FRMD3: variants seen among roughly 807,000 people sequenced by gnomAD.
FRMD3 encodes the protein FERM domain containing 3.
Under a neutral mutation model 70.2 loss-of-function variants are expected in FRMD3, and 33 were observed. The observed-to-expected ratio is 0.47, with a 90% CI of 0.36 to 0.63. The LOEUF (loss-of-function observed/expected upper bound fraction) is 0.63, where lower values mean the gene tolerates loss of function less well. Ranked by LOEUF, FRMD3 falls within the 20% of genes least tolerant of loss-of-function variation. The pLI is 0.00. For missense variants in FRMD3, 632 were observed against 711.4 expected, an observed-to-expected ratio of 0.89 and a Z score of 1.27; for synonymous variants, 279 against 255.9, an observed-to-expected ratio of 1.09 and a Z score of -0.86.
intron 1 of FRMD3, among the ~76,000 whole-genome samples, chr9:83,499,018 G>C (rs951682234): frequency 2.0e-5 from 3 of 152,064 alleles, no homozygotes; most frequent in African/African-American, 7.2e-5. Flanking sequence ...CCTTGTATTG[G>C]GTCCTTGGGT....
chr9:83,243,119 C>T (rs1831938850), downstream of FRMD3: 5 of 1,416,594 alleles, frequency 3.5e-6, no homozygotes, highest in Non-Finnish European at 4.9e-6. Context: ...ACCGAACTTA[C>T]CCACCCAGTC....
In FRMD3 at chr9:83,267,346, C is replaced by T. The variant is rs535918362; in HGVS notation, c.1196-18830G>A. 5.8e-6 allele frequency: 8 copies of T among 1,378,626 alleles called. No homozygotes were observed. The East Asian group carries it at 1.8e-4, about 31-fold the overall frequency. 85.4% of individuals were successfully genotyped at this position (1,378,626 alleles called of 1,614,324 possible). On this transcript the variant is annotated intron_variant, in intron 13 of 13. Transcript: ENST00000304195. Reference sequence around the variant, plus strand: ...GGACGCTATTTTTAAACTCTCCACTCACCCCTCTAACAAACAATGAAAGAT... The same window carrying T: ...GGACGCTATTTTTAAACTCTCCACTTACCCCTCTAACAAACAATGAAAGAT...
At chr9:83,287,306 G>A (rs534694888) in intron 13 of FRMD3, among the ~76,000 whole-genome samples, 3 of 152,170 alleles carry the variant, frequency 2.0e-5, no homozygotes, top group Non-Finnish European at 2.9e-5. Context: ...AGAAGCCATG[G>A]AAGCTACTAA....
At chr9:83,352,705 G>C (rs1372303968) in intron 3 of FRMD3, among the ~76,000 whole-genome samples, 1 of 152,102 alleles carries the variant, frequency 6.6e-6, no homozygotes. Context: ...TTCACCAGCC[G>C]GCCCCTCCAC....
chr9:83,260,981 T>C (rs987566559), intron 13 of FRMD3, among the ~76,000 whole-genome samples: 1 of 152,094 alleles, frequency 6.6e-6, no homozygotes, highest in African/African-American at 2.4e-5. Context: ...CTGCAGAAGA[T>C]CTAATACTAC....
intron 1 of FRMD3, among the ~76,000 whole-genome samples, chr9:83,457,021 T>A (rs1004787158): frequency 6.6e-6 from 1 of 151,936 alleles, no homozygotes; most frequent in African/African-American, 2.4e-5. Flanking sequence ...AGAGATATAA[T>A]AAGCTTAAAG....
chr9:83,335,408 A>G, intron 6 of FRMD3, 108 bp downstream of exon 6: 1 of 1,194,806 alleles, frequency 8.4e-7, no homozygotes. Flanking sequence ...AAAACAGCCT[A>G]TCCATACATT....
chr9:83,325,636 T>C (rs146975671), intron 6 of FRMD3, among the ~76,000 whole-genome samples: 224 of 152,314 alleles, frequency 1.5e-3, no homozygotes, highest in African/African-American at 4.8e-3. Context: ...AAAAAATTCA[T>C]TTAAATTGCA....
At position 83,303,143 on chromosome 9, in the gene FRMD3, C is replaced by T. The variant is rs1348608265; in HGVS notation, c.927-3957G>A. Among the ~76,000 whole-genome samples, 3 of 152,300 alleles carry T rather than the reference C, an allele frequency of 2.0e-5. No individual in the cohort carries two copies. The East Asian group carries it at 5.8e-4, about 29-fold the overall frequency. On this transcript the variant is annotated intron_variant, in intron 10 of 13. Transcript: ENST00000304195. ...CTCTAGAATTAACAACACTATTTCCCATTGAAGTCATAATTTAGAGTTCCT... is the reference window on the plus strand; with the variant it reads ...CTCTAGAATTAACAACACTATTTCCTATTGAAGTCATAATTTAGAGTTCCT...
intron 1 of FRMD3, among the ~76,000 whole-genome samples, chr9:83,464,462 C>T (rs76367398): frequency 0.043 from 6,580 of 152,264 alleles, 185 homozygotes; most frequent in Non-Finnish European, 0.066. Context: ...ACCATCACCC[C>T]TCTTTGCTCT....
At chr9:83,506,301 C>T (rs773947364) in intron 1 of FRMD3, among the ~76,000 whole-genome samples, 6 of 152,052 alleles carry the variant, frequency 3.9e-5, no homozygotes, top group Non-Finnish European at 8.8e-5. Flanking sequence ...TAATGGAATA[C>T]AGTCATGTGT....
chr9:83,390,881 T>C (rs1485992919), intron 1 of FRMD3, among the ~76,000 whole-genome samples: 1 of 152,244 alleles, frequency 6.6e-6, no homozygotes, highest in Non-Finnish European at 1.5e-5. Flanking sequence ...CTATGTTACA[T>C]AATGATCTTT....
At chr9:83,261,102 G>GACACACACACACACAC (rs59345002) in intron 13 of FRMD3, among the ~76,000 whole-genome samples, 7,846 of 132,970 alleles carry the variant, frequency 0.059, 381 homozygotes, top group Non-Finnish European at 0.07. Context: ...AGGAAACTTA[G>GACACACACACACACAC]ACACACACAC....
the FRMD3 span, among the ~76,000 whole-genome samples, chr9:83,548,074 AAT>A: frequency 6.6e-6 from 1 of 152,176 alleles, no homozygotes; most frequent in Non-Finnish European, 1.5e-5. Context: ...GACAATACCA[AAT>A]GCTAGTGAGA....
chr9:83,351,099 A>C, intron 3 of FRMD3: 1 of 419,020 alleles, frequency 2.4e-6, no homozygotes, highest in Non-Finnish European at 3.2e-6. Flanking sequence ...TTCATCTTTC[A>C]AGATACGCAG....
At chr9:83,462,076 A>T (rs1476453453) in intron 1 of FRMD3, among the ~76,000 whole-genome samples, 1 of 152,170 alleles carries the variant, frequency 6.6e-6, no homozygotes, top group East Asian at 1.9e-4. Context: ...GAAGTTGAAA[A>T]ACCTGCAAAA....
chr9:83,520,749 T>C (rs985919880), intron 1 of FRMD3, among the ~76,000 whole-genome samples: 1 of 152,120 alleles, frequency 6.6e-6, no homozygotes, highest in Non-Finnish European at 1.5e-5. Context: ...ACTTATTTCC[T>C]GGAATTTCTG....
intron 1 of FRMD3, among the ~76,000 whole-genome samples, chr9:83,425,923 A>AAAAAAAC (rs1485494959): frequency 6.6e-6 from 1 of 151,146 alleles, no homozygotes; most frequent in Admixed American, 6.6e-5. Context: ...AAAAAAAAAA[A>AAAAAAAC]AAAAACAACC....
At chr9:83,272,061 TCCCTCTCCCTCCCCCTCC>T (rs1436192321) in intron 13 of FRMD3, among the ~76,000 whole-genome samples, 5 of 151,970 alleles carry the variant, frequency 3.3e-5, no homozygotes, top group Non-Finnish European at 5.9e-5. Context: ...GCTCCTGCTC[TCCCTCTCCCTCCCCCTCC>T]CCCTCTCCCT....
Sources: allele counts gnomAD v4.1 joint callset (sites outside exome capture counted in the v4.1 genomes callset), GRCh38; gene constraint gnomAD v4.1.1; transcripts MANE v1.5; gene names NCBI Gene and HGNC (gene_info 2026-07-23, HGNC 2026-07-21).